The following CLASP2 variants were observed in gnomAD, a reference collection of about 807,000 sequenced individuals.
CLASP2 encodes CLIP-associating protein 2.
CLASP2 carries 47 observed loss-of-function variants against 194.4 expected under a neutral mutation model. The observed-to-expected ratio is 0.24, with a 90% CI of 0.19 to 0.31. The LOEUF is 0.31. Among genes scored for constraint, CLASP2 ranks in the 10% least tolerant of loss-of-function variants. CLASP2 has a pLI of 1.00. For synonymous variants in CLASP2, 619 were observed against 633.5 expected, an observed-to-expected ratio of 0.98 and a Z score of 0.34; for missense variants, 1,445 against 1,823.6, an observed-to-expected ratio of 0.79 and a Z score of 3.78.
At chr3:33,599,931 A>T (rs1174437406) in intron 18 of CLASP2, among the ~76,000 whole-genome samples, 1 of 152,184 alleles carries the variant, frequency 6.6e-6, no homozygotes, top group Admixed American at 6.5e-5. Context: ...TGAAACATGA[A>T]ATTCAAACCT....
At chr3:33,517,457 T>C (rs2051648312) in intron 34 of CLASP2, among the ~76,000 whole-genome samples, 1 of 152,232 alleles carries the variant, frequency 6.6e-6, no homozygotes, top group African/African-American at 2.4e-5. Context: ...ATTTTACCAT[T>C]CTTACGTCAT....
Position 33,604,320 on chromosome 3 carries a change from CTTTTTTT to C in CLASP2, c.1695-118_1695-112del, listed in dbSNP as rs199958865. On this transcript the variant is annotated intron_variant, in intron 16 of 38. Coordinates refer to ENST00000682230, the MANE Select transcript of CLASP2 (RefSeq NM_001365631.1). ...GAAAGTTGAGAAGTATTTCTTTTTT[CTTTTTTT>C]TTTTTTTTGAGACAGAGTCTTGCTG... 5.5e-3 allele frequency: 3,136 copies of C among 572,722 alleles called. 106 individuals are homozygous for C. The East Asian group carries it at 0.079, about 15-fold the overall frequency. The allele number at this position is 572,722 out of a possible 1,614,324, so 35.5% of individuals were successfully genotyped here. A position where few individuals can be genotyped will look rare whatever the true frequency, so the allele number is the denominator to read the frequency against.
At chr3:33,668,634 C>T (rs1051560366) in intron 6 of CLASP2, among the ~76,000 whole-genome samples, 3 of 152,042 alleles carry the variant, frequency 2.0e-5, no homozygotes, top group African/African-American at 2.4e-5. Flanking sequence ...TTTGAGGATT[C>T]GAAATACTAC....
intron 2 of CLASP2, among the ~76,000 whole-genome samples, chr3:33,693,961 T>A (rs900377830): frequency 3.3e-5 from 5 of 152,098 alleles, no homozygotes; most frequent in Non-Finnish European, 7.4e-5. Flanking sequence ...TTATTAAGTA[T>A]TTAACTGTAT....
Position 33,644,902 on chromosome 3 carries a change from A to G in CLASP2, c.717T>C (p.Asp239=). The change falls in exon 8 of 39, where the codon GAT becomes GAC. Residue 239 remains aspartate, a splice_region_variant and synonymous_variant. Coordinates refer to ENST00000682230, the MANE Select transcript of CLASP2 (RefSeq NM_001365631.1). Reference sequence around the variant, plus strand: ...CTGATTCTTCATCATCGAAGCTTTTATCTGCACAAAGCATCAGAAAAATGT... The same window carrying G: ...CTGATTCTTCATCATCGAAGCTTTTGTCTGCACAAAGCATCAGAAAAATGT... ...SGGMILSVCK[D]KSFDDEESVD... 1 of 1,590,618 alleles carries G rather than the reference A, an allele frequency of 6.3e-7. No individual in the cohort carries two copies. The highest frequency in any genetic ancestry group is 8.6e-7 in the Non-Finnish European group (1 of 1,167,000).
At chr3:33,564,286 T>C (rs1390183367) in intron 27 of CLASP2, among the ~76,000 whole-genome samples, 3 of 152,198 alleles carry the variant, frequency 2.0e-5, no homozygotes, top group South Asian at 4.1e-4. Flanking sequence ...TTTTCTTCAA[T>C]GCAAGGGAAG....
At chr3:33,687,630 G>A (rs963029151) in intron 4 of CLASP2, among the ~76,000 whole-genome samples, 2 of 152,160 alleles carry the variant, frequency 1.3e-5, no homozygotes, top group Admixed American at 6.5e-5. Context: ...GGACTATAAA[G>A]TAATAAAAGA....
chr3:33,605,601 A>T (rs1159173377), intron 16 of CLASP2, among the ~76,000 whole-genome samples: 3 of 152,082 alleles, frequency 2.0e-5, no homozygotes, highest in Non-Finnish European at 4.4e-5. Flanking sequence ...GGTGGTCAAG[A>T]TCCCAAAAAG....
chr3:33,574,674 T>C (rs1223376973), intron 24 of CLASP2, among the ~76,000 whole-genome samples: 1 of 152,162 alleles, frequency 6.6e-6, no homozygotes, highest in Non-Finnish European at 1.5e-5. Flanking sequence ...CAATATTCTT[T>C]AGTTCAAAGA....
chr3:33,517,250 T>G, intron 34 of CLASP2, 76 bp from the exon 35 acceptor site: 1 of 1,092,456 alleles, frequency 9.2e-7, no homozygotes, highest in Non-Finnish European at 1.3e-6. Flanking sequence ...CAACTTTATA[T>G]GATGAAACAC....
chr3:33,656,917 A>G (rs1316014082), intron 7 of CLASP2, among the ~76,000 whole-genome samples: 2 of 152,166 alleles, frequency 1.3e-5, no homozygotes, highest in African/African-American at 4.8e-5. Flanking sequence ...AAGCAAAACC[A>G]TATACTTTGA....
chr3:33,570,768 A>G lies in CLASP2; in HGVS notation c.2722T>C (p.Cys908Arg). 1 of 1,590,744 alleles carries G rather than the reference A, an allele frequency of 6.3e-7. No homozygotes were observed. Residue 908 changes from cysteine (C) to arginine (R), a missense_variant, in exon 26 of 39, where the codon TGT (cysteine) becomes CGT (arginine). By Grantham distance (180) the Cys-to-Arg change is radical. Around this residue, in one of 4 missense-constraint regions of CLASP2, gnomAD observed 732 missense variants for 987.9 expected, o/e 0.74. Coordinates refer to ENST00000682230, the MANE Select transcript of CLASP2 (RefSeq NM_001365631.1). Reference protein sequence around the residue: ...TLSRVELKRLCEIFTRMFADP... With the variant: ...TLSRVELKRLREIFTRMFADP... ...GCAAACATTCTTGTGAAAATTTCAC[A>G]TAATCTTTTCAGTTCAACTCGACTG...
At chr3:33,556,325 C>G (rs1254472452) in intron 29 of CLASP2, among the ~76,000 whole-genome samples, 6 of 152,102 alleles carry the variant, frequency 3.9e-5, no homozygotes, top group African/African-American at 1.4e-4. Flanking sequence ...ATACTTAATC[C>G]TGTCACTCAC....
intron 1 of CLASP2, among the ~76,000 whole-genome samples, chr3:33,716,033 T>C (rs1466205822): frequency 6.6e-6 from 1 of 152,134 alleles, no homozygotes; most frequent in East Asian, 1.9e-4. Context: ...GATGGATCAA[T>C]GTCCTTGAGT....
intron 13 of CLASP2, among the ~76,000 whole-genome samples, chr3:33,610,958 T>C (rs539407751): frequency 6.6e-6 from 1 of 152,362 alleles, no homozygotes; most frequent in South Asian, 2.1e-4. Context: ...ACATCAAATG[T>C]ACAAATCTTG....
chr3:33,620,432 T>A (rs1287406254), intron 11 of CLASP2, among the ~76,000 whole-genome samples: 1 of 152,338 alleles, frequency 6.6e-6, no homozygotes, highest in African/African-American at 2.4e-5. Context: ...GCAATACTGG[T>A]TAATTTTTAT....
At chr3:33,618,231 A>G (rs1189432388) in intron 12 of CLASP2, among the ~76,000 whole-genome samples, 1 of 151,986 alleles carries the variant, frequency 6.6e-6, no homozygotes, top group Admixed American at 6.6e-5. Flanking sequence ...TACAGGTGTG[A>G]GCTGCCGCGC....
chr3:33,573,818 TCTC>T (rs2064262789), intron 24 of CLASP2, among the ~76,000 whole-genome samples: 1 of 152,154 alleles, frequency 6.6e-6, no homozygotes, highest in South Asian at 2.1e-4. Flanking sequence ...TTTTCTTTAT[TCTC>T]CTTTTACCTC....
At chr3:33,647,757 G>C (rs542975593) in intron 7 of CLASP2, among the ~76,000 whole-genome samples, 5 of 152,122 alleles carry the variant, frequency 3.3e-5, no homozygotes, top group Non-Finnish European at 7.4e-5. Context: ...TAAGTAGGCC[G>C]GGCGCGGTGG....
Sources: allele counts gnomAD v4.1 joint callset (sites outside exome capture counted in the v4.1 genomes callset), GRCh38; gene constraint gnomAD v4.1.1; regional missense constraint gnomAD v4.1.1; transcripts MANE v1.5; gene names NCBI Gene and HGNC (gene_info 2026-07-23, HGNC 2026-07-21).